Variants in ZNF121 observed in about 807,000 individuals in gnomAD.
ZNF121 encodes the protein zinc finger protein 121 (clone ZHC32).
ZNF121 carries 1 observed loss-of-function variant against 2.4 expected under a neutral mutation model. That is an observed-to-expected ratio of 0.41 (90% CI 0.15 to 1.94). ZNF121 has a LOEUF of 1.94. Ranked by LOEUF, ZNF121 falls within the 30% of genes most tolerant of loss-of-function variation. The probability of loss-of-function intolerance (pLI) is 0.30; values close to 1 mark genes in which losing one functional copy is unlikely to be tolerated. For synonymous variants in ZNF121, 173 were observed against 158.6 expected, an observed-to-expected ratio of 1.09 and a Z score of -0.68; for missense variants, 369 against 466.3, an observed-to-expected ratio of 0.79 and a Z score of 1.92.
intron 1 of ZNF121, among the ~76,000 whole-genome samples, chr19:9,582,917 T>TTAATAATAAATAATTCTAGTATCAGTTTA (rs140640245): frequency 6.6e-6 from 1 of 151,438 alleles, no homozygotes; most frequent in African/African-American, 2.4e-5. Context: ...ATATTCTGAT[T>TTAATAATAAATAATTCTAGTATCAGTTTA]ATAAAGCCTC....
At chr19:9,580,065 G>T (rs2074238085) in intron 1 of ZNF121, among the ~76,000 whole-genome samples, 2 of 152,044 alleles carry the variant, frequency 1.3e-5, no homozygotes, top group South Asian at 4.1e-4. Flanking sequence ...GGCTGAGACG[G>T]GCGGATCACG....
intron 1 of ZNF121, chr19:9,584,120 C>A (rs1205042201): frequency 2.0e-5 from 3 of 152,220 alleles, no homozygotes; most frequent in African/African-American, 7.2e-5. Flanking sequence ...CGCGGAAATG[C>A]GGGGCCGGAG....
Position 9,561,393 on chromosome 19 carries a change from T to A in ZNF121, c.*4547A>T, listed in dbSNP as rs1356790273. The A allele has an allele frequency of 6.6e-6, 1 of 152,166 alleles. No homozygotes were observed. The highest frequency in any genetic ancestry group is 1.5e-5 in the Non-Finnish European group (1 of 68,022). 9.4% of individuals were successfully genotyped at this position (152,166 alleles called of 1,614,324 possible). ...ATAAGGAGAATACATTTTTAAAGAT[T>A]CAGAAGATAGCTTGATGGGGATCCT... On this transcript the variant is annotated 3_prime_UTR_variant, in exon 4 of 4. Transcript: ENST00000320451.
intron 2 of ZNF121, 77 bp from the exon 3 acceptor site, chr19:9,568,252 A>T: frequency 1.6e-6 from 1 of 636,656 alleles, no homozygotes; most frequent in Non-Finnish European, 2.5e-6. Context: ...CAGAATTATA[A>T]AGCTCATTTT....
At chr19:9,569,838 CTTTTT>C (rs752091749) in intron 1 of ZNF121, among the ~76,000 whole-genome samples, 3 of 117,690 alleles carry the variant, frequency 2.5e-5, no homozygotes, top group African/African-American at 9.1e-5. Context: ...TGGCCGAGAT[CTTTTT>C]TTTTTTTTTT....
intron 1 of ZNF121, among the ~76,000 whole-genome samples, chr19:9,574,122 T>C (rs190494839): frequency 1.3e-3 from 190 of 151,994 alleles, no homozygotes; most frequent in African/African-American, 4.1e-3. Context: ...ATAAATTTTA[T>C]TTCTTTAGCA....
chr19:9,567,000 G>A lies in ZNF121; in HGVS notation c.113C>T (p.Thr38Ile). 9 of 1,614,164 alleles carry A rather than the reference G, an allele frequency of 5.6e-6. No individual in the cohort carries two copies. The highest frequency in any genetic ancestry group is 7.6e-6 in the Non-Finnish European group (9 of 1,180,020). Residue 38 changes from threonine to isoleucine, a missense_variant, in exon 4 of 4, where the codon ACT becomes ATT. Transcript: ENST00000320451. ...AHMGTENTGD[T>I]YDCDEYGENF... ...TTCTCCATACTCATCACAGTCATAA[G>A]TGTCCCCTGTATTTTCAGTTCCCAT...
chr19:9,580,482 A>C (rs1432329494), intron 1 of ZNF121, among the ~76,000 whole-genome samples: 1 of 141,676 alleles, frequency 7.1e-6, no homozygotes, highest in Non-Finnish European at 1.5e-5. Flanking sequence ...AGCAAGACTC[A>C]AAAAAGAAAA....
rs752833603 is a variant in ZNF121, at chr19:9,565,919, C to T, written c.*21G>A. 1 of 1,493,010 alleles carries T rather than the reference C, an allele frequency of 6.7e-7. No individual in the cohort carries two copies. Among genetic ancestry groups the T allele is most frequent in the Non-Finnish European group, 9.0e-7 (1 of 1,111,492 alleles). 92.5% of individuals were successfully genotyped at this position (1,493,010 alleles called of 1,614,324 possible). A position where few individuals can be genotyped will look rare whatever the true frequency, so the allele number is the denominator to read the frequency against. On this transcript the variant is annotated 3_prime_UTR_variant, in exon 4 of 4. Coordinates refer to ENST00000320451, the MANE Select transcript of ZNF121 (RefSeq NM_001008727.5). Reference sequence around the variant, plus strand: ...GAAATTCCTAAAAGATTTCCACATTCCTTACATTCAGAGTTTTTCTTCAGT... The same window carrying T: ...GAAATTCCTAAAAGATTTCCACATTTCTTACATTCAGAGTTTTTCTTCAGT...
chr19:9,579,734 T>C (rs933503670), intron 1 of ZNF121, among the ~76,000 whole-genome samples: 8 of 152,218 alleles, frequency 5.3e-5, no homozygotes, highest in Non-Finnish European at 1.0e-4. Context: ...TAGTGTTCAA[T>C]AGATCAGTAG....
chr19:9,572,891 G>A (rs1051174909), intron 1 of ZNF121, among the ~76,000 whole-genome samples: 4 of 152,056 alleles, frequency 2.6e-5, no homozygotes, highest in Admixed American at 1.3e-4. Context: ...GTGTGGTGGC[G>A]TGCACCTCAC....
rs2074111806 is a variant in ZNF121, at chr19:9,563,349, G to C, written c.*2591C>G. 6.6e-6 allele frequency: 1 copy of C among 152,218 alleles called. No individual in the cohort carries two copies. The highest frequency in any genetic ancestry group is 2.1e-4 in the South Asian group (1 of 4,836). The allele number at this position is 152,218 out of a possible 1,614,324, so 9.4% of individuals were successfully genotyped here. A position where few individuals can be genotyped will look rare whatever the true frequency, so the allele number is the denominator to read the frequency against. ...GTTAGCTGCAGAAGAAATGCTGGAAGCTGGCAAAGATCAGTTCGTGAGGTT... is the reference window on the plus strand; with the variant it reads ...GTTAGCTGCAGAAGAAATGCTGGAACCTGGCAAAGATCAGTTCGTGAGGTT... On this transcript the variant is annotated 3_prime_UTR_variant, in exon 4 of 4. Coordinates refer to ENST00000320451, the MANE Select transcript of ZNF121 (RefSeq NM_001008727.5).
chr19:9,577,255 C>G (rs1234662176), intron 1 of ZNF121, among the ~76,000 whole-genome samples: 1 of 151,672 alleles, frequency 6.6e-6, no homozygotes, highest in Non-Finnish European at 1.5e-5. Context: ...ACCAGCCTGG[C>G]CAATATGGTG....
At chr19:9,583,488 G>GATTT (rs1568217015) in intron 1 of ZNF121, among the ~76,000 whole-genome samples, 2 of 109,816 alleles carry the variant, frequency 1.8e-5, no homozygotes, top group African/African-American at 9.2e-5. Context: ...ACCAAGCCTG[G>GATTT]CTTTTTTTTT....
In ZNF121 at chr19:9,565,210, C is replaced by A. The variant is rs1301995625; in HGVS notation, c.*730G>T. 6.6e-6 allele frequency: 1 copy of A among 151,788 alleles called. No individual in the cohort carries two copies. The highest frequency in any genetic ancestry group is 2.4e-5 in the African/African-American group (1 of 41,354). 9.4% of individuals were successfully genotyped at this position (151,788 alleles called of 1,614,324 possible). ...GGGTTTCTCTTCTCCATTGCAACAT[C>A]TTATATACTTAGAAAGGCCTAAGGA... On this transcript the variant is annotated 3_prime_UTR_variant, in exon 4 of 4. Transcript: ENST00000320451.
At chr19:9,569,838 CT>C (rs752091749) in intron 1 of ZNF121, among the ~76,000 whole-genome samples, 1,857 of 117,644 alleles carry the variant, frequency 0.016, 25 homozygotes, top group East Asian at 0.04. Flanking sequence ...TGGCCGAGAT[CT>C]TTTTTTTTTT....
chr19:9,576,049 A>G (rs986971545), intron 1 of ZNF121, among the ~76,000 whole-genome samples: 1 of 152,240 alleles, frequency 6.6e-6, no homozygotes, highest in Non-Finnish European at 1.5e-5. Flanking sequence ...GCTACAGAAG[A>G]TACATTCCTT....
chr19:9,579,196 G>A (rs1414974875), intron 1 of ZNF121, among the ~76,000 whole-genome samples: 1 of 152,178 alleles, frequency 6.6e-6, no homozygotes, highest in Non-Finnish European at 1.5e-5. Context: ...TACTGATGAG[G>A]ATGTGGTGAA....
At position 9,568,135 on chromosome 19, in the gene ZNF121, ATGT is replaced by A. The variant is rs748023377; in HGVS notation, c.-41_-39del. 42 of 1,542,210 alleles carry A rather than the reference ATGT, an allele frequency of 2.7e-5. No homozygotes were observed. The South Asian group carries it at 4.4e-4, about 16-fold the overall frequency. On this transcript the variant is annotated 5_prime_UTR_variant, in exon 3 of 4. Coordinates refer to ENST00000320451, the MANE Select transcript of ZNF121 (RefSeq NM_001008727.5). ...TGATGTTTTGTTAAGCCAAAAAAAA[ATGT>A]TGTTGAGGTGCTGACACTTTGGTTT...
Sources: allele counts gnomAD v4.1 joint callset (sites outside exome capture counted in the v4.1 genomes callset), GRCh38; gene constraint gnomAD v4.1.1; transcripts MANE v1.5; gene names NCBI Gene and HGNC (gene_info 2026-07-23, HGNC 2026-07-21).